Variants in VAT1L observed in about 807,000 individuals in gnomAD.
The protein encoded by VAT1L is putative NADPH-dependent quinone oxidoreductase VAT1L.
A neutral mutation model predicts 44.1 loss-of-function variants in VAT1L; 34 were observed. That is an observed-to-expected ratio of 0.77 (90% CI 0.59 to 1.03). The LOEUF (loss-of-function observed/expected upper bound fraction) is 1.03. Ranked by LOEUF, VAT1L falls within the 50% of genes least tolerant of loss-of-function variation. VAT1L has a pLI of 0.00. For synonymous variants in VAT1L, 253 were observed against 202.2 expected (o/e 1.25, Z -2.13); for missense variants, 615 against 538.8 (o/e 1.14, Z -1.40).
At position 77,978,390 on chromosome 16, in the gene VAT1L, G is replaced by A. The variant is rs953520200; in HGVS notation, c.*695G>A. ...AACAGCATGAGTTTGAGGACCTGCT[G>A]TGAAGATTTCTCCTCCAAAATACAT... On this transcript the variant is annotated 3_prime_UTR_variant, in exon 9 of 9. Coordinates refer to ENST00000302536, the MANE Select transcript of VAT1L (RefSeq NM_020927.3). 6.6e-6 allele frequency: 1 copy of A among 152,240 alleles called. No homozygotes were observed. The highest frequency in any genetic ancestry group is 2.4e-5 in the African/African-American group (1 of 41,450). The allele number at this position is 152,240 out of a possible 1,614,324, so 9.4% of individuals were successfully genotyped here. A position where few individuals can be genotyped will look rare whatever the true frequency, so the allele number is the denominator to read the frequency against.
Position 77,977,678 on chromosome 16 carries a change from A to C in VAT1L, c.1243A>C (p.Met415Leu). Residue 415 changes from methionine to leucine, a missense_variant, in exon 9 of 9, where the codon ATG (methionine) becomes CTG (leucine). By Grantham distance (15) the Met-to-Leu change is conservative (BLOSUM62 2). Coordinates refer to ENST00000302536, the MANE Select transcript of VAT1L (RefSeq NM_020927.3). ...HEGDSENKER[M>L]PFIQ ...GGGAGACAGCGAGAACAAGGAGCGG[A>C]TGCCCTTTATCCAGTAACTGAGGAC... 1 of 1,614,024 alleles carries C rather than the reference A, an allele frequency of 6.2e-7. No individual in the cohort carries two copies. Among genetic ancestry groups the C allele is most frequent in the Non-Finnish European group, 8.5e-7 (1 of 1,179,946 alleles).
intron 8 of VAT1L, among the ~76,000 whole-genome samples, chr16:77,975,749 C>T (rs2018333212): frequency 6.6e-6 from 1 of 152,204 alleles, no homozygotes; most frequent in Non-Finnish European, 1.5e-5. Context: ...CGAAACTCAT[C>T]CTATGATGTG....
At chr16:77,943,235 T>G (rs2017912682) in intron 7 of VAT1L, among the ~76,000 whole-genome samples, 2 of 148,768 alleles carry the variant, frequency 1.3e-5, no homozygotes, top group Admixed American at 1.3e-4. Flanking sequence ...TTTTGTATTT[T>G]TAGTAGAGAT....
intron 1 of VAT1L, among the ~76,000 whole-genome samples, chr16:77,802,218 T>C (rs186858145): frequency 2.1e-4 from 32 of 152,322 alleles, no homozygotes; most frequent in African/African-American, 7.2e-4. Context: ...TAGTCATCTT[T>C]TTTCCTTTTG....
At chr16:77,894,728 C>A (rs916692612) in intron 7 of VAT1L, among the ~76,000 whole-genome samples, 67 of 152,092 alleles carry the variant, frequency 4.4e-4, no homozygotes, top group African/African-American at 1.6e-3. Flanking sequence ...TATATAAAGC[C>A]GATATAGAGA....
At chr16:77,862,645 A>T (rs1350513349) in intron 3 of VAT1L, 103 bp from the exon 4 acceptor site, 4 of 1,129,656 alleles carry the variant, frequency 3.5e-6, no homozygotes, top group Admixed American at 5.6e-5. Flanking sequence ...AAAAAAAAAA[A>T]AAGTCAATAG....
At chr16:77,804,332 A>T (rs2145218806) in intron 1 of VAT1L, among the ~76,000 whole-genome samples, 1 of 152,292 alleles carries the variant, frequency 6.6e-6, no homozygotes, top group Non-Finnish European at 1.5e-5. Context: ...CAAAGTCAAA[A>T]GAGTTAGTCT....
chr16:77,915,357 G>C (rs1356805329), intron 7 of VAT1L, among the ~76,000 whole-genome samples: 2 of 152,204 alleles, frequency 1.3e-5, no homozygotes, highest in Non-Finnish European at 2.9e-5. Context: ...TTTTTTCAGA[G>C]AGTCAGTTAT....
chr16:77,950,592 G>C (rs974299267), intron 7 of VAT1L, among the ~76,000 whole-genome samples: 1 of 152,112 alleles, frequency 6.6e-6, no homozygotes, highest in Non-Finnish European at 1.5e-5. Context: ...TGTATGTTCA[G>C]CGTGATCTTA....
At chr16:77,883,968 A>G (rs1223315942) in intron 6 of VAT1L, among the ~76,000 whole-genome samples, 4 of 152,126 alleles carry the variant, frequency 2.6e-5, no homozygotes, top group Non-Finnish European at 5.9e-5. Flanking sequence ...CAAGTGCTTT[A>G]TACTTAATCA....
chr16:77,829,617 T>C (rs539585684), intron 3 of VAT1L, among the ~76,000 whole-genome samples: 1 of 152,344 alleles, frequency 6.6e-6, no homozygotes, highest in East Asian at 1.9e-4. Context: ...ATAAGATCTT[T>C]AGAAACTGGT....
chr16:77,973,018 C>T (rs1050875711), intron 8 of VAT1L, among the ~76,000 whole-genome samples: 1 of 151,644 alleles, frequency 6.6e-6, no homozygotes, highest in African/African-American at 2.4e-5. Context: ...AGAATAAAAC[C>T]CTTATATCCC....
intron 7 of VAT1L, among the ~76,000 whole-genome samples, chr16:77,915,111 G>A (rs961216655): frequency 2.6e-5 from 4 of 151,472 alleles, no homozygotes; most frequent in Non-Finnish European, 4.4e-5. Context: ...GGTGACAAGA[G>A]CAAAATTCCG....
chr16:77,945,294 T>TTTTTTTTTTTTTA (rs1567517610), intron 7 of VAT1L, among the ~76,000 whole-genome samples: 1 of 147,480 alleles, frequency 6.8e-6, no homozygotes, highest in Non-Finnish European at 1.5e-5. Context: ...TTTTTTTTTT[T>TTTTTTTTTTTTTA]GAGAGAGAGA....
At chr16:77,846,600 C>G (rs1477218989) in intron 3 of VAT1L, among the ~76,000 whole-genome samples, 1 of 152,142 alleles carries the variant, frequency 6.6e-6, no homozygotes, top group African/African-American at 2.4e-5. Flanking sequence ...GTAAGATGGA[C>G]TTAGACTCTG....
chr16:77,836,308 C>A (rs752276402), intron 3 of VAT1L, among the ~76,000 whole-genome samples: 1 of 152,042 alleles, frequency 6.6e-6, no homozygotes, highest in Non-Finnish European at 1.5e-5. Flanking sequence ...CACCGTGAGC[C>A]CCAGGATAAG....
intron 3 of VAT1L, among the ~76,000 whole-genome samples, chr16:77,856,843 T>C (rs1315222613): frequency 2.6e-5 from 4 of 152,232 alleles, no homozygotes; most frequent in Non-Finnish European, 5.9e-5. Flanking sequence ...AGAAGATTAA[T>C]AGCAGAGTGG....
chr16:77,838,799 A>C (rs2016669126), intron 3 of VAT1L, among the ~76,000 whole-genome samples: 8 of 109,908 alleles, frequency 7.3e-5, no homozygotes, highest in Non-Finnish European at 1.1e-4. Context: ...TCTCTCTCTC[A>C]TTTCTTTCCT....
chr16:77,971,719 C>A, intron 7 of VAT1L, 131 bp from the exon 8 acceptor site: 1 of 860,884 alleles, frequency 1.2e-6, no homozygotes, highest in Non-Finnish European at 1.8e-6. Flanking sequence ...CCAACAGCAA[C>A]CTCTTAGCCA....
Sources: allele counts gnomAD v4.1 joint callset (sites outside exome capture counted in the v4.1 genomes callset), GRCh38; gene constraint gnomAD v4.1.1; transcripts MANE v1.5; gene names NCBI Gene and HGNC (gene_info 2026-07-23, HGNC 2026-07-21).